EXT1: variants seen among roughly 807,000 people sequenced by gnomAD.
EXT1 encodes exostosin-1.
In EXT1, 20 loss-of-function variants were observed where a neutral mutation model predicts 82.5. The ratio of observed to expected loss-of-function variants is 0.24; its 90% CI spans 0.17 to 0.35. The LOEUF (loss-of-function observed/expected upper bound fraction) is 0.35. EXT1 is among the 10% of genes least tolerant of loss of function. The probability of loss-of-function intolerance (pLI) is 1.00; values close to 1 mark genes in which losing one functional copy is unlikely to be tolerated. For synonymous variants in EXT1, 348 were observed against 350.8 expected, an observed-to-expected ratio of 0.99 and a Z score of 0.09; for missense variants, 757 against 936.5, an observed-to-expected ratio of 0.81 and a Z score of 2.50.
chr8:117,831,121 T>C (rs1812092911), intron 3 of EXT1, among the ~76,000 whole-genome samples: 1 of 152,296 alleles, frequency 6.6e-6, no homozygotes, highest in Admixed American at 6.5e-5. Context: ...AGGGACGTCA[T>C]TATTTTTAAT....
intron 1 of EXT1, among the ~76,000 whole-genome samples, chr8:118,096,300 A>G (rs1817609833): frequency 6.6e-6 from 1 of 152,204 alleles, no homozygotes; most frequent in Admixed American, 6.5e-5. Context: ...AGTGATACTT[A>G]TATCAAACAC....
At chr8:117,930,774 A>C (rs895998230) in intron 1 of EXT1, among the ~76,000 whole-genome samples, 20 of 152,204 alleles carry the variant, frequency 1.3e-4, no homozygotes, top group Admixed American at 1.3e-3. Context: ...AGTTGTGTTT[A>C]GTCATAGGGC....
At chr8:117,841,789 T>C (rs1812279032) in intron 1 of EXT1, among the ~76,000 whole-genome samples, 1 of 152,222 alleles carries the variant, frequency 6.6e-6, no homozygotes, top group Non-Finnish European at 1.5e-5. Flanking sequence ...AAAGTTGTAT[T>C]GAACAATGTA....
At chr8:117,802,685 T>C (rs1318075469) in intron 10 of EXT1, among the ~76,000 whole-genome samples, 1 of 152,188 alleles carries the variant, frequency 6.6e-6, no homozygotes, top group African/African-American at 2.4e-5. Context: ...AAATAAAAAA[T>C]ATAAATAAAA....
intron 1 of EXT1, among the ~76,000 whole-genome samples, chr8:117,893,643 T>C (rs1413718403): frequency 6.6e-6 from 1 of 152,212 alleles, no homozygotes; most frequent in Non-Finnish European, 1.5e-5. Flanking sequence ...TCCCAATCCC[T>C]GGTGCCTTCC....
At chr8:117,938,525 G>A (rs949686473) in intron 1 of EXT1, among the ~76,000 whole-genome samples, 1 of 152,120 alleles carries the variant, frequency 6.6e-6, no homozygotes, top group African/African-American at 2.4e-5. Flanking sequence ...AGTCAAACTA[G>A]CCACACTTTG....
In EXT1 at chr8:118,010,238, G is replaced by A. The variant is rs150922101; in HGVS notation, c.962+99847C>T. 9.1e-3 allele frequency among the ~76,000 whole-genome samples: 1,382 copies of A among 151,918 alleles called. 25 individuals are homozygous for A. Among genetic ancestry groups the A allele is most frequent in the African/African-American group, 0.032 (1,326 of 41,414 alleles). On this transcript the variant is annotated intron_variant, in intron 1 of 10. Transcript: ENST00000378204. ...ATACAAAAAATTAGCCGGGCGTGGT[G>A]GCGGGCACCTGTAGTCCCAGCTACT...
chr8:117,939,550 CAA>C (rs1814232867), intron 1 of EXT1, among the ~76,000 whole-genome samples: 1 of 110,434 alleles, frequency 9.1e-6, no homozygotes. Flanking sequence ...GCCTGGGCAA[CAA>C]GAGTGAAACT....
intron 1 of EXT1, among the ~76,000 whole-genome samples, chr8:117,951,696 T>G (rs532401084): frequency 1.3e-5 from 2 of 152,352 alleles, no homozygotes; most frequent in South Asian, 4.1e-4. Context: ...CTTCCTCTGC[T>G]GGTAGCACAC....
intron 1 of EXT1, among the ~76,000 whole-genome samples, chr8:117,968,674 A>G (rs1586315591): frequency 1.0e-5 from 1 of 97,052 alleles, no homozygotes; most frequent in African/African-American, 7.4e-5. Context: ...GGTTCACGCC[A>G]TTCTCCTGCC....
chr8:117,863,670 T>G (rs1379580621), intron 1 of EXT1, among the ~76,000 whole-genome samples: 1 of 152,128 alleles, frequency 6.6e-6, no homozygotes, highest in Admixed American at 6.6e-5. Flanking sequence ...ACTAGATATC[T>G]CTGCAAAGTT....
intron 1 of EXT1, among the ~76,000 whole-genome samples, chr8:117,906,610 C>T (rs540509356): frequency 2.0e-5 from 3 of 152,298 alleles, no homozygotes; most frequent in South Asian, 2.1e-4. Context: ...ATGTTTCCTA[C>T]GAAATTCCTT....
At chr8:117,985,233 C>A (rs1344222298) in intron 1 of EXT1, among the ~76,000 whole-genome samples, 1 of 152,234 alleles carries the variant, frequency 6.6e-6, no homozygotes, top group African/African-American at 2.4e-5. Flanking sequence ...CTGTGCTGCT[C>A]ACTCATTCTG....
chr8:117,799,635 G>T lies in EXT1; in HGVS notation c.*77C>A. On this transcript the variant is annotated 3_prime_UTR_variant, in exon 11 of 11. Transcript: ENST00000378204. ...TGGCACAATCTGGCTCTGCTGATGAGTGGATCTGCACTGGGAAGAGAGAGC... is the reference window on the plus strand; with the variant it reads ...TGGCACAATCTGGCTCTGCTGATGATTGGATCTGCACTGGGAAGAGAGAGC... 1.3e-6 allele frequency: 2 copies of T among 1,527,226 alleles called. No homozygotes were observed. The highest frequency in any genetic ancestry group is 1.8e-6 in the Non-Finnish European group (2 of 1,101,818). 94.6% of individuals were successfully genotyped at this position (1,527,226 alleles called of 1,614,324 possible). A position where few individuals can be genotyped will look rare whatever the true frequency, so the allele number is the denominator to read the frequency against.
intron 1 of EXT1, among the ~76,000 whole-genome samples, chr8:117,989,699 T>A (rs1002904027): frequency 1.3e-4 from 20 of 152,152 alleles, no homozygotes; most frequent in African/African-American, 4.8e-4. Context: ...GTTTTCAGCA[T>A]CAACATTTAT....
chr8:117,914,084 A>G (rs1813701575), intron 1 of EXT1, among the ~76,000 whole-genome samples: 1 of 152,186 alleles, frequency 6.6e-6, no homozygotes, highest in Non-Finnish European at 1.5e-5. Context: ...ATTTTGAACT[A>G]TAATTTATAT....
At chr8:118,086,226 G>A (rs1387551985) in intron 1 of EXT1, among the ~76,000 whole-genome samples, 5 of 152,186 alleles carry the variant, frequency 3.3e-5, no homozygotes, top group Non-Finnish European at 7.3e-5. Flanking sequence ...TTTATTGACT[G>A]CCTAAAATTT....
At chr8:117,809,267 C>T (rs959873860) in intron 8 of EXT1, among the ~76,000 whole-genome samples, 9 of 112,134 alleles carry the variant, frequency 8.0e-5, no homozygotes, top group Admixed American at 2.2e-4. Flanking sequence ...ATTCTGTTTG[C>T]CTGAAAAATC....
intron 1 of EXT1, among the ~76,000 whole-genome samples, chr8:117,982,639 C>T (rs17453567): frequency 0.02 from 3,022 of 151,984 alleles, 37 homozygotes; most frequent in Middle Eastern, 0.031. Flanking sequence ...TACAGGGGTG[C>T]GCCACCACAC....
Sources: gnomAD v4.1 joint callset for allele counts (sites outside exome capture counted in the v4.1 genomes callset) on GRCh38, gnomAD v4.1.1 for gene constraint, MANE v1.5 for transcripts, NCBI Gene and HGNC (gene_info 2026-07-23, HGNC 2026-07-21) for gene names.